WHRN: variants seen among roughly 807,000 people sequenced by gnomAD.
The protein encoded by WHRN is CASK-interacting protein CIP98.
In WHRN, 41 loss-of-function variants were observed where a neutral mutation model predicts 68.3. The ratio of observed to expected loss-of-function variants is 0.60; its 90% CI spans 0.47 to 0.78. The LOEUF (loss-of-function observed/expected upper bound fraction) is 0.78. Among genes scored for constraint, WHRN ranks in the 30% least tolerant of loss-of-function variants. The probability of loss-of-function intolerance (pLI) is 0.00; values close to 1 mark genes in which losing one functional copy is unlikely to be tolerated. For synonymous variants in WHRN, 560 were observed against 561.3 expected (o/e 1.00, Z 0.03); for missense variants, 1,243 against 1,244.7 (o/e 1.00, Z 0.02).
At chr9:114,480,418 T>C (rs1842008999) in intron 1 of WHRN, among the ~76,000 whole-genome samples, 1 of 152,052 alleles carries the variant, frequency 6.6e-6, no homozygotes, top group African/African-American at 2.4e-5. Context: ...CTTTAGGGGG[T>C]AACTGGAGTT....
chr9:114,415,837 C>G (rs1041079099), intron 7 of WHRN, among the ~76,000 whole-genome samples: 1 of 152,150 alleles, frequency 6.6e-6, no homozygotes, highest in African/African-American at 2.4e-5. Flanking sequence ...TCTAAACCAT[C>G]CAGGTTGGAC....
chr9:114,418,099 G>A (rs1029375775), intron 7 of WHRN, among the ~76,000 whole-genome samples: 20 of 152,216 alleles, frequency 1.3e-4, no homozygotes, highest in African/African-American at 4.1e-4. Flanking sequence ...GGTTTGTCCT[G>A]TGGCCACACA....
At chr9:114,417,098 A>G (rs1361316663) in intron 7 of WHRN, among the ~76,000 whole-genome samples, 3 of 152,248 alleles carry the variant, frequency 2.0e-5, no homozygotes, top group Admixed American at 6.5e-5. Context: ...GTGTGAAGGC[A>G]GCATAAAATG....
At chr9:114,416,655 T>C (rs1217259805) in intron 7 of WHRN, among the ~76,000 whole-genome samples, 1 of 152,188 alleles carries the variant, frequency 6.6e-6, no homozygotes, top group Admixed American at 6.5e-5. Flanking sequence ...TACAGAACTG[T>C]GGGTCAATTA....
At chr9:114,442,124 T>C (rs1054001915) in intron 3 of WHRN, among the ~76,000 whole-genome samples, 9 of 152,176 alleles carry the variant, frequency 5.9e-5, no homozygotes, top group African/African-American at 2.2e-4. Context: ...ATCAATGTCA[T>C]AGGAAGATAA....
intron 4 of WHRN, chr9:114,425,592 C>CACACACACACAA (rs1436927392): frequency 2.1e-5 from 4 of 191,968 alleles, no homozygotes; most frequent in African/African-American, 8.6e-5. Context: ...GGGAGACACA[C>CACACACACACAA]ACACACACAC....
Position 114,504,508 on chromosome 9 carries a change from G to C in WHRN, c.294C>G (p.Ile98Met), listed in dbSNP as rs41297173. 2 of 1,609,458 alleles carry C rather than the reference G, an allele frequency of 1.2e-6. No individual in the cohort carries two copies. The highest frequency in any genetic ancestry group is 8.5e-7 in the Non-Finnish European group (1 of 1,179,818). The part of the protein sequence containing the change: ...RRLLPMLRLV[I>M]PRSDQLLFDQ... ...CGAAGAGCAGCTGGTCGGAGCGCGG[G>C]ATGACCAGACGAAGCATGGGCAGCA... Residue 98 changes from isoleucine (I) to methionine (M), a missense_variant, in exon 1 of 12, where the codon ATC becomes ATG. Ile to Met is a conservative substitution (Grantham distance 10). Transcript: ENST00000362057.
intron 7 of WHRN, among the ~76,000 whole-genome samples, chr9:114,416,698 G>A (rs1265456143): frequency 1.3e-5 from 2 of 152,164 alleles, no homozygotes; most frequent in African/African-American, 2.4e-5. Context: ...CCCAGTCTCA[G>A]GCAGTTTCTT....
At chr9:114,443,582 G>A (rs1838567757) in intron 3 of WHRN, among the ~76,000 whole-genome samples, 1 of 152,128 alleles carries the variant, frequency 6.6e-6, no homozygotes. Context: ...GATAATCCAG[G>A]ATCATCTCCC....
In WHRN at chr9:114,504,759, T is replaced by A; in HGVS notation, c.43A>T (p.Thr15Ser). The A allele has an allele frequency of 6.6e-7, 1 of 1,505,524 alleles. No homozygotes were observed. The highest frequency in any genetic ancestry group is 8.8e-7 in the Non-Finnish European group (1 of 1,137,044). 93.3% of individuals were successfully genotyped at this position (1,505,524 alleles called of 1,614,324 possible). Residue 15 changes from threonine to serine, a missense_variant, in exon 1 of 12, where the codon ACC becomes TCC. Coordinates refer to ENST00000362057, the MANE Select transcript of WHRN (RefSeq NM_015404.4). ...CCGGCCGCCGAGCCCAGCGAGCCGG[T>A]GGAGGACGAGCTCACCGACAGGCCG... Reference protein sequence around the residue: ...LDGLSVSSSSTGSLGSAAGAG... With the variant: ...LDGLSVSSSSSGSLGSAAGAG...
In WHRN at chr9:114,406,472, A is replaced by T; in HGVS notation, c.2119T>A (p.Ser707Thr). The change falls in exon 9 of 12, where the codon TCA becomes ACA. Residue 707 changes from serine to threonine, a missense_variant. By Grantham distance (58) the Ser-to-Thr change is moderately conservative. Transcript: ENST00000362057. ...GTCTGGTCTGGGTGGCCAGAGGGTG[A>T]TGGGGGCAGAAGGCAGCCCCCAGCC... ...TVAGGCLLPP[S>T]PSGHPDQTGT... is the part of the protein sequence containing the mutation. The T allele has an allele frequency of 6.2e-7, 1 of 1,614,072 alleles. No homozygotes were observed. Among genetic ancestry groups the T allele is most frequent in the African/African-American group, 1.3e-5 (1 of 75,034 alleles).
intron 7 of WHRN, among the ~76,000 whole-genome samples, chr9:114,422,244 C>T (rs1051057893): frequency 3.3e-5 from 5 of 152,342 alleles, no homozygotes; most frequent in Middle Eastern, 3.4e-3. Context: ...GCTTAAGAAA[C>T]ATTACTCTCC....
intron 3 of WHRN, among the ~76,000 whole-genome samples, chr9:114,465,754 C>T (rs1840628482): frequency 6.6e-6 from 1 of 152,128 alleles, no homozygotes; most frequent in African/African-American, 2.4e-5. Context: ...TCTCAGTTTC[C>T]CCAACTGGAA....
At chr9:114,474,383 G>A (rs1253314004) in intron 2 of WHRN, among the ~76,000 whole-genome samples, 2 of 152,106 alleles carry the variant, frequency 1.3e-5, no homozygotes, top group Non-Finnish European at 2.9e-5. Context: ...CGCCAGCTAA[G>A]AGAATGCCCA....
At chr9:114,489,491 T>TACACAC (rs143212773) in intron 1 of WHRN, among the ~76,000 whole-genome samples, 1 of 149,974 alleles carries the variant, frequency 6.7e-6, no homozygotes, top group Non-Finnish European at 1.5e-5. Flanking sequence ...CACACACACG[T>TACACAC]ACACACACAC....
chr9:114,425,630 C>CACACACACACACACAG (rs752151116), intron 4 of WHRN: 13 of 232,738 alleles, frequency 5.6e-5, no homozygotes, highest in South Asian at 1.3e-4. Context: ...CACACACACA[C>CACACACACACACACAG]AGAGAGACAC....
In WHRN at chr9:114,426,200, A is replaced by G; in HGVS notation, c.1166+11T>C. 2 of 1,611,974 alleles carry G rather than the reference A, an allele frequency of 1.2e-6. No individual in the cohort carries two copies. The highest frequency in any genetic ancestry group is 1.7e-6 in the Non-Finnish European group (2 of 1,179,958). On this transcript the variant is annotated intron_variant, in intron 4 of 11. Coordinates refer to ENST00000362057, the MANE Select transcript of WHRN (RefSeq NM_015404.4). Reference sequence around the variant, plus strand: ...GGGGTCTGGAGATTGGAGCGAGCAGAGTGGCCAGACCCTGCCGAGTTCGCC... The same window carrying G: ...GGGGTCTGGAGATTGGAGCGAGCAGGGTGGCCAGACCCTGCCGAGTTCGCC...
intron 1 of WHRN, among the ~76,000 whole-genome samples, chr9:114,496,495 A>G (rs1269318170): frequency 6.6e-6 from 1 of 152,236 alleles, no homozygotes; most frequent in Non-Finnish European, 1.5e-5. Context: ...CCCTGAGTCC[A>G]GTATTTTCTT....
At chr9:114,429,797 G>C (rs577530627) in intron 3 of WHRN, among the ~76,000 whole-genome samples, 1 of 152,278 alleles carries the variant, frequency 6.6e-6, no homozygotes, top group Non-Finnish European at 1.5e-5. Context: ...CTGATGCTAA[G>C]AGGCAGAGCT....
Sources: allele counts gnomAD v4.1 joint callset (sites outside exome capture counted in the v4.1 genomes callset), GRCh38; gene constraint gnomAD v4.1.1; transcripts MANE v1.5; gene names NCBI Gene and HGNC (gene_info 2026-07-23, HGNC 2026-07-21).